SENP6: variants seen among roughly 807,000 people sequenced by gnomAD.
SENP6 encodes the protein SUMO specific peptidase 6.
SENP6 carries 41 observed loss-of-function variants against 134.5 expected under a neutral mutation model. The ratio of observed to expected loss-of-function variants is 0.30; its 90% CI spans 0.24 to 0.40. The LOEUF (loss-of-function observed/expected upper bound fraction) is 0.40. Ranked by LOEUF, SENP6 falls within the 10% of genes least tolerant of loss-of-function variation. The probability of loss-of-function intolerance (pLI) is 1.00; values close to 1 mark genes in which losing one functional copy is unlikely to be tolerated. For synonymous variants in SENP6, 395 were observed against 429.8 expected (o/e 0.92, Z 1.00); for missense variants, 1,248 against 1,312.5 (o/e 0.95, Z 0.76).
chr6:75,667,442 A>C (rs532028646), intron 10 of SENP6, among the ~76,000 whole-genome samples: 1 of 152,346 alleles, frequency 6.6e-6, no homozygotes, highest in East Asian at 1.9e-4. Context: ...CAGGATAAAA[A>C]CAAAATGAAC....
chr6:75,710,075 G>C (rs1004705680), intron 20 of SENP6, among the ~76,000 whole-genome samples: 1 of 152,036 alleles, frequency 6.6e-6, no homozygotes, highest in Non-Finnish European at 1.5e-5. Flanking sequence ...GCATTTATGG[G>C]TCATACTTAA....
chr6:75,671,477 A>C (rs1182486747), intron 11 of SENP6, among the ~76,000 whole-genome samples: 2 of 152,202 alleles, frequency 1.3e-5, no homozygotes, highest in Non-Finnish European at 2.9e-5. Context: ...TAATCCCAGC[A>C]CTTTGGGAGG....
intron 16 of SENP6, among the ~76,000 whole-genome samples, chr6:75,682,173 C>G (rs1180170763): frequency 6.6e-6 from 1 of 151,884 alleles, no homozygotes; most frequent in African/African-American, 2.4e-5. Context: ...AAGGAATGAT[C>G]CACCAAGAAA....
intron 8 of SENP6, among the ~76,000 whole-genome samples, chr6:75,659,773 A>G (rs945247909): frequency 4.6e-5 from 7 of 152,110 alleles, no homozygotes; most frequent in Non-Finnish European, 1.0e-4. Flanking sequence ...CTCACTCTCT[A>G]TGCCTTTTTC....
intron 2 of SENP6, 126 bp from the exon 3 acceptor site, chr6:75,623,774 T>G (rs1000340598): frequency 7.2e-6 from 5 of 694,084 alleles, no homozygotes; most frequent in African/African-American, 3.6e-5. Flanking sequence ...AAGACTGTGG[T>G]TTGGCCCTTT....
rs773715687 is a variant in SENP6 at position 75,670,671 on chromosome 6, G to A, written c.1343G>A (p.Arg448Gln). The change falls in exon 11 of 24, where the codon CGA becomes CAA. Residue 448 changes from arginine to glutamine, a missense_variant. Arg to Gln is a conservative substitution (Grantham distance 43). Coordinates refer to ENST00000447266, the MANE Select transcript of SENP6 (RefSeq NM_015571.4). ...TTTGACAGTGTCATTTTAAACTGTC[G>A]AAGTATACGAGTAGGAACACTCTTC... The part of the protein sequence containing the change: ...SSFDSVILNC[R>Q]SIRVGTLFRL... The A allele has an allele frequency of 4.6e-5, 74 of 1,613,110 alleles. No homozygotes were observed. Among genetic ancestry groups the A allele is most frequent in the Non-Finnish European group, 6.0e-5 (71 of 1,179,532 alleles).
chr6:75,670,311 A>G (rs1291373411), intron 10 of SENP6, among the ~76,000 whole-genome samples: 1 of 152,182 alleles, frequency 6.6e-6, no homozygotes, highest in East Asian at 1.9e-4. Flanking sequence ...CCAGAGTACT[A>G]TTCCTGAATG....
At chr6:75,650,900 C>G (rs542838095) in intron 7 of SENP6, among the ~76,000 whole-genome samples, 1 of 152,302 alleles carries the variant, frequency 6.6e-6, no homozygotes, top group Admixed American at 6.5e-5. Flanking sequence ...CATGGTCTTT[C>G]TATAGTTAAC....
intron 16 of SENP6, among the ~76,000 whole-genome samples, chr6:75,683,322 G>A (rs1035543798): frequency 6.6e-6 from 1 of 152,106 alleles, no homozygotes; most frequent in Non-Finnish European, 1.5e-5. Flanking sequence ...CAGATGGGTA[G>A]ATTGCAAAAA....
chr6:75,659,544 C>T, intron 8 of SENP6, 137 bp downstream of exon 8: 1 of 711,410 alleles, frequency 1.4e-6, no homozygotes, highest in Non-Finnish European at 2.3e-6. Context: ...GCAGCTTTTT[C>T]TGCCTTCAGT....
rs766628287 is a variant in SENP6, at chr6:75,702,962, G to A, written c.2606G>A (p.Ser869Asn). 2 of 1,613,832 alleles carry A rather than the reference G, an allele frequency of 1.2e-6. No individual in the cohort carries two copies. Among genetic ancestry groups the A allele is most frequent in the Non-Finnish European group, 1.7e-6 (2 of 1,179,870 alleles). The stretch of plus-strand genomic sequence containing the variant: ...GTGAAAAAAATAAATCATACTGCGA[G>A]TGAAAATGAAGAATTCAATAAAGGA... ...YSVKKINHTA[S>N]ENEEFNKGES... The change falls in exon 19 of 24, where the codon AGT becomes AAT. Residue 869 changes from serine (S) to asparagine (N), a missense_variant. This residue lies in a region of SENP6 where 386 missense variants were observed against 395.0 expected (regional missense o/e 0.98). Coordinates refer to ENST00000447266, the MANE Select transcript of SENP6 (RefSeq NM_015571.4).
chr6:75,692,803 A>G (rs1305630611), intron 16 of SENP6, among the ~76,000 whole-genome samples: 1 of 151,538 alleles, frequency 6.6e-6, no homozygotes, highest in Admixed American at 6.6e-5. Flanking sequence ...AAAAAAAAAA[A>G]TCTGTAATCC....
At chr6:75,603,493 GAATT>G (rs1766796473) in intron 1 of SENP6, among the ~76,000 whole-genome samples, 2 of 152,116 alleles carry the variant, frequency 1.3e-5, no homozygotes, top group South Asian at 4.1e-4. Context: ...TTGTTAAAAA[GAATT>G]AACTACTCTT....
At chr6:75,637,568 A>T (rs1339988446) in intron 5 of SENP6, among the ~76,000 whole-genome samples, 1 of 152,172 alleles carries the variant, frequency 6.6e-6, no homozygotes, top group Non-Finnish European at 1.5e-5. Context: ...CCCTAACTTC[A>T]ATCTGACTTG....
chr6:75,610,900 A>C (rs1561961159), intron 1 of SENP6: 1 of 152,220 alleles, frequency 6.6e-6, no homozygotes, highest in South Asian at 2.1e-4. Flanking sequence ...ACTGCATTAC[A>C]GTTTTTGAAA....
At chr6:75,624,754 A>G (rs1245741785) in intron 3 of SENP6, among the ~76,000 whole-genome samples, 1 of 152,142 alleles carries the variant, frequency 6.6e-6, no homozygotes, top group Non-Finnish European at 1.5e-5. Context: ...TATTTAGTCT[A>G]AGACACACTT....
chr6:75,659,194 A>AT lies in SENP6; in HGVS notation c.551-61dup, dbSNP rs373692800. The AT allele has an allele frequency of 2.0e-5, 24 of 1,180,684 alleles. No individual in the cohort carries two copies. The African/African-American group carries it at 2.3e-4, about 12-fold the overall frequency. The allele number at this position is 1,180,684 out of a possible 1,614,324, so 73.1% of individuals were successfully genotyped here. On this transcript the variant is annotated intron_variant, in intron 7 of 23. Coordinates refer to ENST00000447266, the MANE Select transcript of SENP6 (RefSeq NM_015571.4). The stretch of plus-strand genomic sequence containing the variant: ...ATTGGTTTAGTCTTATGTTCTGATT[A>AT]TTTTTTTGCTGAAACACTAGCTTAT...
intron 11 of SENP6, among the ~76,000 whole-genome samples, chr6:75,674,770 T>C (rs1772956324): frequency 6.6e-6 from 1 of 152,222 alleles, no homozygotes; most frequent in African/African-American, 2.4e-5. Context: ...ATTTGCTTTC[T>C]CTTTTTATAT....
chr6:75,623,257 A>T (rs896817148), intron 2 of SENP6, among the ~76,000 whole-genome samples: 1 of 152,026 alleles, frequency 6.6e-6, no homozygotes, highest in African/African-American at 2.4e-5. Context: ...TGTACATTTC[A>T]TTTCTGAATT....
Sources: gnomAD v4.1 joint callset for allele counts (sites outside exome capture counted in the v4.1 genomes callset) on GRCh38, gnomAD v4.1.1 for gene constraint, gnomAD v4.1.1 regional missense constraint, MANE v1.5 for transcripts, NCBI Gene and HGNC (gene_info 2026-07-23, HGNC 2026-07-21) for gene names.